Variants in SLC24A3 observed in about 807,000 individuals in gnomAD.
SLC24A3 encodes sodium/potassium/calcium exchanger 3.
In SLC24A3, 28 loss-of-function variants were observed where a neutral mutation model predicts 75.8. The observed-to-expected ratio is 0.37, with a 90% CI of 0.27 to 0.51. The LOEUF (loss-of-function observed/expected upper bound fraction) is 0.51. Among genes scored for constraint, SLC24A3 ranks in the 20% least tolerant of loss-of-function variants. The pLI is 0.94. For synonymous variants in SLC24A3, 372 were observed against 334.1 expected (o/e 1.11, Z -1.24); for missense variants, 663 against 847.8 (o/e 0.78, Z 2.71).
At chr20:19,297,129 C>T (rs1984080780) in intron 2 of SLC24A3, among the ~76,000 whole-genome samples, 4 of 152,190 alleles carry the variant, frequency 2.6e-5, no homozygotes, top group Admixed American at 1.3e-4. Context: ...ACATGTTTAT[C>T]CCTCTCCCCA....
intron 2 of SLC24A3, among the ~76,000 whole-genome samples, chr20:19,495,073 G>T (rs779443023): frequency 6.6e-6 from 1 of 152,180 alleles, no homozygotes; most frequent in Non-Finnish European, 1.5e-5. Flanking sequence ...CTGCCTTGAG[G>T]CAGGAGCTGG....
chr20:19,557,581 G>A (rs1191015829), intron 3 of SLC24A3, among the ~76,000 whole-genome samples: 1 of 152,150 alleles, frequency 6.6e-6, no homozygotes, highest in Non-Finnish European at 1.5e-5. Context: ...CCTCATGATT[G>A]CCTGGTGTTG....
intron 2 of SLC24A3, among the ~76,000 whole-genome samples, chr20:19,369,571 A>G (rs181720347): frequency 9.2e-5 from 14 of 152,332 alleles, no homozygotes; most frequent in African/African-American, 2.9e-4. Context: ...AGATTAGATA[A>G]TAGTAGTGTT....
chr20:19,529,046 A>G (rs532014736), intron 3 of SLC24A3, among the ~76,000 whole-genome samples: 302 of 152,334 alleles, frequency 2.0e-3, no homozygotes, highest in Non-Finnish European at 3.5e-3. Context: ...CACACAATGT[A>G]TATTTATGGT....
intron 9 of SLC24A3, among the ~76,000 whole-genome samples, chr20:19,679,890 G>T (rs897104305): frequency 4.6e-5 from 7 of 151,772 alleles, no homozygotes; most frequent in African/African-American, 1.7e-4. Context: ...CATTTTCCTT[G>T]CACTTTGTTC....
intron 2 of SLC24A3, among the ~76,000 whole-genome samples, chr20:19,296,250 A>T (rs1600416622): frequency 9.7e-5 from 9 of 92,850 alleles, no homozygotes; most frequent in South Asian, 3.4e-4. Flanking sequence ...TTTTTTCTTT[A>T]TTAGTCTAGC....
chr20:19,290,407 G>A (rs1305406208), intron 2 of SLC24A3, among the ~76,000 whole-genome samples: 2 of 152,166 alleles, frequency 1.3e-5, no homozygotes, highest in African/African-American at 2.4e-5. Flanking sequence ...AGAAGATGGA[G>A]CTTTTAGGGG....
intron 2 of SLC24A3, among the ~76,000 whole-genome samples, chr20:19,484,500 C>A (rs966799551): frequency 6.6e-6 from 1 of 152,146 alleles, no homozygotes; most frequent in South Asian, 2.1e-4. Flanking sequence ...AGGAATATTA[C>A]TCAGTCTTAA....
At chr20:19,250,326 A>G (rs1378939675) in intron 1 of SLC24A3, among the ~76,000 whole-genome samples, 2 of 152,236 alleles carry the variant, frequency 1.3e-5, no homozygotes, top group African/African-American at 4.8e-5. Context: ...CAGGAGCATC[A>G]GGTTCCTCCG....
intron 2 of SLC24A3, among the ~76,000 whole-genome samples, chr20:19,359,625 A>C (rs950021904): frequency 2.6e-5 from 4 of 152,220 alleles, no homozygotes; most frequent in African/African-American, 7.2e-5. Flanking sequence ...TCAAGGGGCA[A>C]GTCCCCAGCC....
At position 19,617,297 on chromosome 20, in the gene SLC24A3, C is replaced by T. The variant is rs989296131; in HGVS notation, c.612+31753C>T. On this transcript the variant is annotated intron_variant, in intron 6 of 16. Transcript: ENST00000328041. Reference sequence around the variant, plus strand: ...AGCGCATCTGTGCTGTGCCACCCACCTCTGCTGGTAGTTAGAAGGACAAGG... The same window carrying T: ...AGCGCATCTGTGCTGTGCCACCCACTTCTGCTGGTAGTTAGAAGGACAAGG... Among the ~76,000 whole-genome samples the T allele has an allele frequency of 7.9e-5, 12 of 152,240 alleles. No individual in the cohort carries two copies. The South Asian group carries it at 2.5e-3, about 32-fold the overall frequency.
At chr20:19,673,217 C>T (rs775702723) in intron 8 of SLC24A3, among the ~76,000 whole-genome samples, 5 of 152,156 alleles carry the variant, frequency 3.3e-5, no homozygotes, top group Non-Finnish European at 5.9e-5. Context: ...CAGGCATCCC[C>T]GGCAATTCCT....
intron 2 of SLC24A3, among the ~76,000 whole-genome samples, chr20:19,327,286 C>T (rs1030451756): frequency 5.3e-5 from 8 of 152,214 alleles, no homozygotes; most frequent in African/African-American, 1.9e-4. Flanking sequence ...GAGCAGCAGG[C>T]AGCCACAACT....
Position 19,654,114 on chromosome 20 carries a change from T to C in SLC24A3, c.665T>C (p.Leu222Pro). 2 of 1,613,834 alleles carry C rather than the reference T, an allele frequency of 1.2e-6. No homozygotes were observed. The highest frequency in any genetic ancestry group is 1.7e-6 in the Non-Finnish European group (2 of 1,179,756). ...CLLRDSIYYT[L>P]SVIALIVFIY... ...CTGAGGGATTCTATTTACTACACGC[T>C]GTCTGTGATCGCGCTCATCGTGGTG... Residue 222 changes from leucine to proline, a missense_variant, in exon 7 of 17, where the codon CTG becomes CCG. Around this residue, in one of 2 missense-constraint regions of SLC24A3, gnomAD observed 510 missense variants for 703.6 expected, o/e 0.72. Coordinates refer to ENST00000328041, the MANE Select transcript of SLC24A3 (RefSeq NM_020689.4).
chr20:19,690,427 C>T (rs1355253100), intron 12 of SLC24A3, among the ~76,000 whole-genome samples: 1 of 152,030 alleles, frequency 6.6e-6, no homozygotes, highest in African/African-American at 2.4e-5. Flanking sequence ...TCATTTTTTT[C>T]TTCCCTCTTT....
At chr20:19,667,696 A>G (rs2032416215) in intron 8 of SLC24A3, among the ~76,000 whole-genome samples, 1 of 152,224 alleles carries the variant, frequency 6.6e-6, no homozygotes, top group African/African-American at 2.4e-5. Flanking sequence ...GCATTGCTGT[A>G]TGAAAGCCAT....
At chr20:19,352,597 C>A (rs1037056892) in intron 2 of SLC24A3, among the ~76,000 whole-genome samples, 1 of 152,218 alleles carries the variant, frequency 6.6e-6, no homozygotes, top group Non-Finnish European at 1.5e-5. Context: ...AAGGTCTAAA[C>A]TGTAAGCAGA....
chr20:19,538,216 A>C (rs1332866008), intron 3 of SLC24A3, among the ~76,000 whole-genome samples: 1 of 152,258 alleles, frequency 6.6e-6, no homozygotes, highest in East Asian at 1.9e-4. Context: ...CCTGCTAGAC[A>C]TGTTTCTCAG....
At chr20:19,315,576 G>A (rs1343943186) in intron 2 of SLC24A3, among the ~76,000 whole-genome samples, 1 of 152,162 alleles carries the variant, frequency 6.6e-6, no homozygotes, top group Admixed American at 6.5e-5. Context: ...TCTACAAAGT[G>A]CTGATGTCCC....
Sources: gnomAD v4.1 joint callset for allele counts (sites outside exome capture counted in the v4.1 genomes callset) on GRCh38, gnomAD v4.1.1 for gene constraint, gnomAD v4.1.1 regional missense constraint, MANE v1.5 for transcripts, NCBI Gene and HGNC (gene_info 2026-07-23, HGNC 2026-07-21) for gene names.